Variants in XPR1 observed in about 807,000 individuals in gnomAD.
The protein encoded by XPR1 is solute carrier family 53 member 1.
A neutral mutation model predicts 87.5 loss-of-function variants in XPR1; 28 were observed. That is an observed-to-expected ratio of 0.32 (90% CI 0.24 to 0.44). The LOEUF is 0.44. Ranked by LOEUF, XPR1 falls within the 20% of genes least tolerant of loss-of-function variation. XPR1 has a pLI of 1.00. For synonymous variants in XPR1, 300 were observed against 306.1 expected (o/e 0.98, Z 0.21); for missense variants, 559 against 862.3 (o/e 0.65, Z 4.41).
chr1:180,814,751 G>T (rs755734879), intron 7 of XPR1, among the ~76,000 whole-genome samples: 13 of 152,124 alleles, frequency 8.5e-5, no homozygotes, highest in Non-Finnish European at 1.0e-4. Flanking sequence ...TTTTCTAAGC[G>T]GTTCAAAGAG....
chr1:180,769,456 T>C (rs1359262437), intron 2 of XPR1, among the ~76,000 whole-genome samples: 2 of 94,802 alleles, frequency 2.1e-5, no homozygotes, highest in Non-Finnish European at 4.4e-5. Flanking sequence ...AACCATCCTT[T>C]CTCTCTCTCT....
intron 2 of XPR1, among the ~76,000 whole-genome samples, chr1:180,716,287 C>T (rs1657992774): frequency 6.6e-6 from 1 of 151,716 alleles, no homozygotes; most frequent in South Asian, 2.1e-4. Flanking sequence ...ATGGGTCTCA[C>T]TATGTTGCCC....
intron 9 of XPR1, 75 bp from the exon 10 acceptor site, chr1:180,834,799 T>C (rs1651215800): frequency 6.9e-7 from 1 of 1,445,320 alleles, no homozygotes. Context: ...TCATGCTGAA[T>C]GGTCAGACAT....
At chr1:180,711,698 G>C (rs1386016426) in intron 2 of XPR1, among the ~76,000 whole-genome samples, 1 of 152,166 alleles carries the variant, frequency 6.6e-6, no homozygotes, top group Non-Finnish European at 1.5e-5. Context: ...TTCAAAAGTA[G>C]AGCTTTTAAA....
intron 1 of XPR1, among the ~76,000 whole-genome samples, chr1:180,670,922 A>C (rs150754173): frequency 1.4e-3 from 210 of 152,276 alleles, no homozygotes; most frequent in African/African-American, 4.3e-3. Flanking sequence ...CTATGTTGGC[A>C]ATTTGACCTG....
intron 1 of XPR1, among the ~76,000 whole-genome samples, chr1:180,633,309 AAGAC>A (rs1484628482): frequency 3.5e-4 from 54 of 152,248 alleles, no homozygotes; most frequent in African/African-American, 1.2e-3. Context: ...TGGATAGAGA[AAGAC>A]AGACTTATCT....
chr1:180,775,976 A>AAT (rs2102071647), intron 2 of XPR1, among the ~76,000 whole-genome samples: 1 of 152,306 alleles, frequency 6.6e-6, no homozygotes, highest in Non-Finnish European at 1.5e-5. Flanking sequence ...TTGACTTTAT[A>AAT]AAAGAAAGGC....
chr1:180,683,542 C>A (rs992377711), intron 2 of XPR1, among the ~76,000 whole-genome samples: 2 of 152,150 alleles, frequency 1.3e-5, no homozygotes. Flanking sequence ...AATCACCACA[C>A]CGACTTCCAC....
At chr1:180,760,630 G>A (rs1339858457) in intron 2 of XPR1, among the ~76,000 whole-genome samples, 1 of 152,174 alleles carries the variant, frequency 6.6e-6, no homozygotes, top group Non-Finnish European at 1.5e-5. Context: ...CAAGCAAATG[G>A]AAGAACGTTC....
intron 1 of XPR1, among the ~76,000 whole-genome samples, chr1:180,672,489 T>C (rs965297421): frequency 2.0e-5 from 3 of 152,156 alleles, no homozygotes; most frequent in African/African-American, 7.2e-5. Flanking sequence ...GAAATGAAGA[T>C]TATTTAGTAT....
chr1:180,833,750 T>G (rs898856712), intron 9 of XPR1, among the ~76,000 whole-genome samples: 1 of 152,242 alleles, frequency 6.6e-6, no homozygotes. Context: ...TTATAATTTT[T>G]AACTGCATTT....
chr1:180,833,784 A>T (rs1249543910), intron 9 of XPR1, among the ~76,000 whole-genome samples: 1 of 152,220 alleles, frequency 6.6e-6, no homozygotes, highest in East Asian at 1.9e-4. Context: ...TTTCTCTCCA[A>T]ATCCAAAACA....
intron 1 of XPR1, among the ~76,000 whole-genome samples, chr1:180,661,476 CGTGTGTGTGT>C (rs60527318): frequency 0.21 from 29,618 of 142,268 alleles, 3,100 homozygotes; most frequent in East Asian, 0.28. Context: ...TTTAATTTTT[CGTGTGTGTGT>C]GTGTGTGTGT....
At chr1:180,792,743 A>G (rs780040497) in intron 3 of XPR1, among the ~76,000 whole-genome samples, 5 of 152,058 alleles carry the variant, frequency 3.3e-5, no homozygotes, top group Non-Finnish European at 7.4e-5. Flanking sequence ...AATGGTATCA[A>G]TCATGAAGGC....
chr1:180,674,761 A>G (rs1299773532), intron 1 of XPR1, among the ~76,000 whole-genome samples: 1 of 152,114 alleles, frequency 6.6e-6, no homozygotes, highest in Non-Finnish European at 1.5e-5. Flanking sequence ...CTTGTCTGAC[A>G]TCATAGCAAC....
intron 2 of XPR1, among the ~76,000 whole-genome samples, chr1:180,716,963 G>A (rs1658017426): frequency 6.6e-6 from 1 of 152,094 alleles, no homozygotes; most frequent in South Asian, 2.1e-4. Context: ...TTGATTCACA[G>A]AAGCAAGCCA....
chr1:180,647,466 G>A (rs12128940), intron 1 of XPR1, among the ~76,000 whole-genome samples: 8,441 of 152,240 alleles, frequency 0.055, 315 homozygotes, highest in Non-Finnish European at 0.085. Context: ...CCAAAACGTC[G>A]TTATGCTGTG....
intron 2 of XPR1, among the ~76,000 whole-genome samples, chr1:180,703,205 C>T (rs1005006241): frequency 2.0e-5 from 3 of 152,046 alleles, no homozygotes; most frequent in African/African-American, 4.8e-5. Context: ...GTGGACATGT[C>T]CCCAAGCCAC....
intron 2 of XPR1, among the ~76,000 whole-genome samples, chr1:180,769,967 C>G (rs1183016630): frequency 6.6e-6 from 1 of 152,098 alleles, no homozygotes; most frequent in African/African-American, 2.4e-5. Context: ...GATATAAGCC[C>G]TTTTAACTGG....
Sources: allele counts gnomAD v4.1 joint callset (sites outside exome capture counted in the v4.1 genomes callset), GRCh38; gene constraint gnomAD v4.1.1; transcripts MANE v1.5; gene names NCBI Gene and HGNC (gene_info 2026-07-23, HGNC 2026-07-21).